TET1: variants seen among roughly 807,000 people sequenced by gnomAD.
TET1 encodes tet methylcytosine dioxygenase 1, also known as methylcytosine dioxygenase TET1.
In TET1, 13 loss-of-function variants were observed where a neutral mutation model predicts 148.7. The observed-to-expected ratio is 0.09, with a 90% CI of 0.06 to 0.14. TET1 has a LOEUF of 0.14. Ranked by LOEUF, TET1 falls within the 10% of genes least tolerant of loss-of-function variation. The probability of loss-of-function intolerance (pLI) is 1.00; values close to 1 mark genes in which losing one functional copy is unlikely to be tolerated. For missense variants in TET1, 2,182 were observed against 2,553.8 expected (o/e 0.85, Z 3.14); for synonymous variants, 907 against 937.2 (o/e 0.97, Z 0.59).
At chr10:68,576,916 A>AG (rs2133697117) in intron 2 of TET1, among the ~76,000 whole-genome samples, 1 of 143,782 alleles carries the variant, frequency 7.0e-6, no homozygotes, top group South Asian at 2.2e-4. Flanking sequence ...TAATTTTTGT[A>AG]TTTTTTTTTT....
intron 6 of TET1, among the ~76,000 whole-genome samples, chr10:68,660,328 T>TTTC (rs756837026): frequency 5.3e-5 from 8 of 150,038 alleles, no homozygotes; most frequent in East Asian, 1.9e-4. Context: ...ACTTTTTTCT[T>TTTC]TTCTTCTTCT....
chr10:68,627,556 A>G (rs2054503494), intron 3 of TET1, among the ~76,000 whole-genome samples: 1 of 152,082 alleles, frequency 6.6e-6, no homozygotes, highest in Non-Finnish European at 1.5e-5. Context: ...AGATCGTGCT[A>G]CTGCACTCCG....
intron 1 of TET1, among the ~76,000 whole-genome samples, chr10:68,568,235 T>G (rs78365069): frequency 6.9e-6 from 1 of 145,912 alleles, no homozygotes; most frequent in Non-Finnish European, 1.5e-5. Context: ...TTTTTTTTTT[T>G]TTTTGAGATG....
At position 68,658,608 on chromosome 10, in the gene TET1, G is replaced by C. The variant is rs527660495; in HGVS notation, c.4461+6014G>C. 2.0e-3 allele frequency among the ~76,000 whole-genome samples: 300 copies of C among 152,228 alleles called. 3 individuals are homozygous for C. Among genetic ancestry groups the C allele is most frequent in the Non-Finnish European group, 2.4e-3 (162 of 68,022 alleles). On this transcript the variant is annotated intron_variant, in intron 6 of 11. Transcript: ENST00000373644. ...TATTCTTCTCTTGAAATGTTTCCTT[G>C]CCAGGTGGTCATTAAAACTCTCACA...
chr10:68,668,379 T>C (rs189132898), intron 7 of TET1, among the ~76,000 whole-genome samples: 2 of 152,360 alleles, frequency 1.3e-5, no homozygotes, highest in East Asian at 1.9e-4. Context: ...ATTTTTCTCA[T>C]CAACGCTGTA....
At chr10:68,608,036 C>T (rs1412417728) in intron 3 of TET1, among the ~76,000 whole-genome samples, 2 of 151,354 alleles carry the variant, frequency 1.3e-5, no homozygotes, top group Non-Finnish European at 2.9e-5. Flanking sequence ...TCAAGCAGTT[C>T]TCCTGCCTCA....
At chr10:68,614,239 G>C (rs149378497) in intron 3 of TET1, among the ~76,000 whole-genome samples, 204 of 152,248 alleles carry the variant, frequency 1.3e-3, no homozygotes, top group African/African-American at 4.7e-3. Context: ...CATTTTCTAA[G>C]ATGCTATGCA....
At chr10:68,653,897 A>G (rs1181054843) in intron 6 of TET1, among the ~76,000 whole-genome samples, 1 of 152,046 alleles carries the variant, frequency 6.6e-6, no homozygotes, top group African/African-American at 2.4e-5. Flanking sequence ...ACCAGAGGTC[A>G]GGAGTTCAAA....
intron 8 of TET1, among the ~76,000 whole-genome samples, chr10:68,680,881 G>A (rs1415961318): frequency 1.3e-5 from 2 of 152,168 alleles, no homozygotes; most frequent in Admixed American, 1.3e-4. Flanking sequence ...GAGATCATGC[G>A]TAATATTCCT....
intron 7 of TET1, among the ~76,000 whole-genome samples, chr10:68,670,846 A>C (rs1294363580): frequency 1.3e-5 from 2 of 152,102 alleles, no homozygotes; most frequent in Non-Finnish European, 2.9e-5. Context: ...TGAAAACATA[A>C]AAAATAGTTT....
At chr10:68,660,439 A>G (rs962812702) in intron 6 of TET1, among the ~76,000 whole-genome samples, 1 of 143,242 alleles carries the variant, frequency 7.0e-6, no homozygotes, top group African/African-American at 2.6e-5. Context: ...TCCTGGTTTC[A>G]AGCGATTCTC....
At chr10:68,617,966 T>C (rs1018245890) in intron 3 of TET1, among the ~76,000 whole-genome samples, 10 of 151,906 alleles carry the variant, frequency 6.6e-5, no homozygotes, top group Non-Finnish European at 1.3e-4. Flanking sequence ...CTGTTGTCCA[T>C]GCTGGTGTGC....
chr10:68,602,595 G>A (rs749821092), intron 3 of TET1, among the ~76,000 whole-genome samples: 44 of 152,198 alleles, frequency 2.9e-4, no homozygotes, highest in Non-Finnish European at 5.6e-4. Flanking sequence ...TATTTTGTTA[G>A]ATTGTGAGTG....
At chr10:68,647,730 T>C (rs2054872837) in intron 4 of TET1, among the ~76,000 whole-genome samples, 2 of 152,180 alleles carry the variant, frequency 1.3e-5, no homozygotes, top group South Asian at 4.1e-4. Flanking sequence ...AGAAGATACA[T>C]ATAGAGAATG....
rs1564515492 is a variant in TET1, at chr10:68,694,448, G to C, written c.*2634G>C. On this transcript the variant is annotated 3_prime_UTR_variant, in exon 12 of 12. Coordinates refer to ENST00000373644, the MANE Select transcript of TET1 (RefSeq NM_030625.3). The stretch of plus-strand genomic sequence containing the variant: ...TAGAATGCTCTTTCTCATGAAGCAA[G>C]GAAATAAATTTGTTTGAAATGACAT... 8.6e-6 allele frequency: 2 copies of C among 231,748 alleles called. No individual in the cohort carries two copies. Among genetic ancestry groups the C allele is most frequent in the Middle Eastern group, 1.3e-3 (1 of 788 alleles). 14.4% of individuals were successfully genotyped at this position (231,748 alleles called of 1,614,324 possible). A position where few individuals can be genotyped will look rare whatever the true frequency, so the allele number is the denominator to read the frequency against.
At chr10:68,561,328 C>T (rs1379147649) in intron 1 of TET1, among the ~76,000 whole-genome samples, 1 of 151,962 alleles carries the variant, frequency 6.6e-6, no homozygotes, top group Non-Finnish European at 1.5e-5. Context: ...AGTTTTGGGA[C>T]GGCAGCTCCA....
chr10:68,665,281 TACACACACAC>T (rs58374790), intron 6 of TET1, among the ~76,000 whole-genome samples: 1 of 151,122 alleles, frequency 6.6e-6, no homozygotes, highest in Admixed American at 6.6e-5. Context: ...AGTTTACACA[TACACACACAC>T]ACACACACAT....
chr10:68,610,262 G>T (rs1007977016), intron 3 of TET1, among the ~76,000 whole-genome samples: 1 of 151,900 alleles, frequency 6.6e-6, no homozygotes, highest in African/African-American at 2.4e-5. Flanking sequence ...CAGCCTGGGT[G>T]ACAGTGCGAG....
At position 68,692,813 on chromosome 10, in the gene TET1, G is replaced by C. The variant is rs186862693; in HGVS notation, c.*999G>C. ...ACCTTTCTCAGTATAATCCATGAGA[G>C]GTGTTTCCAAAAGGAGATGAGGGAA... is the stretch of plus-strand genomic sequence containing the variant. On this transcript the variant is annotated 3_prime_UTR_variant, in exon 12 of 12. Coordinates refer to ENST00000373644, the MANE Select transcript of TET1 (RefSeq NM_030625.3). 4 of 231,512 alleles carry C rather than the reference G, an allele frequency of 1.7e-5. No individual in the cohort carries two copies. The highest frequency in any genetic ancestry group is 5.7e-5 in the Admixed American group (1 of 17,696). The allele number at this position is 231,512 out of a possible 1,614,324, so 14.3% of individuals were successfully genotyped here.
Sources: allele counts gnomAD v4.1 joint callset (sites outside exome capture counted in the v4.1 genomes callset), GRCh38; gene constraint gnomAD v4.1.1; transcripts MANE v1.5; gene names NCBI Gene and HGNC (gene_info 2026-07-23, HGNC 2026-07-21).